Variants in SYBU observed in about 807,000 individuals in gnomAD.
SYBU encodes the protein syntabulin, also known as GOLSYN A protein.
In SYBU, 21 loss-of-function variants were observed where a neutral mutation model predicts 35.9. The observed-to-expected ratio is 0.58, with a 90% CI of 0.41 to 0.84. SYBU has a LOEUF of 0.84. Among genes scored for constraint, SYBU ranks in the 40% least tolerant of loss-of-function variants. The pLI, the probability that SYBU is intolerant of heterozygous loss-of-function variation, is 0.00. For missense variants in SYBU, 768 were observed against 848.2 expected, an observed-to-expected ratio of 0.91 and a Z score of 1.17; for synonymous variants, 319 against 324.3, an observed-to-expected ratio of 0.98 and a Z score of 0.18.
chr8:109,672,957 T>C (rs935989196), intron 1 of SYBU, among the ~76,000 whole-genome samples: 2 of 152,188 alleles, frequency 1.3e-5, no homozygotes, highest in African/African-American at 4.8e-5. Context: ...ACCACAAAGC[T>C]GTTGTAGCCA....
chr8:109,645,626 G>GTTTTTTTTTTTTTTTTTTTTTTTTTT (rs201121007), upstream of SYBU: 70 of 244,826 alleles, frequency 2.9e-4, 4 homozygotes, highest in African/African-American at 1.8e-3. Context: ...TTGTTGTTTC[G>GTTTTTTTTTTTTTTTTTTTTTTTTTT]TTTTTTGTTT....
chr8:109,652,129 C>T (rs929769521), intron 1 of SYBU, among the ~76,000 whole-genome samples: 6 of 152,170 alleles, frequency 3.9e-5, no homozygotes, highest in Non-Finnish European at 7.3e-5. Context: ...AATAGAGACA[C>T]GGACATGACC....
chr8:109,668,785 T>C (rs1816860093), intron 1 of SYBU, among the ~76,000 whole-genome samples: 1 of 152,126 alleles, frequency 6.6e-6, no homozygotes, highest in Non-Finnish European at 1.5e-5. Context: ...TTCAAACGAG[T>C]CTCAGTGAAA....
chr8:109,582,390 C>G (rs1195682728), intron 4 of SYBU, among the ~76,000 whole-genome samples: 3 of 152,184 alleles, frequency 2.0e-5, no homozygotes, highest in Non-Finnish European at 2.9e-5. Flanking sequence ...AAAGGAGACA[C>G]TGAGATTCCA....
chr8:109,674,138 C>G (rs1817090518), intron 1 of SYBU, among the ~76,000 whole-genome samples: 1 of 151,952 alleles, frequency 6.6e-6, no homozygotes, highest in East Asian at 1.9e-4. Flanking sequence ...CTTCCCCAAC[C>G]TAGCAAGACA....
At chr8:109,608,205 T>C (rs1826265598) in intron 3 of SYBU, 1 of 429,000 alleles carries the variant, frequency 2.3e-6, no homozygotes, top group Non-Finnish European at 4.1e-6. Flanking sequence ...ATCGCCCTCA[T>C]GAATGGACAC....
At chr8:109,592,579 G>C (rs1187561577) in intron 3 of SYBU, among the ~76,000 whole-genome samples, 1 of 152,200 alleles carries the variant, frequency 6.6e-6, no homozygotes, top group Non-Finnish European at 1.5e-5. Flanking sequence ...GTTCACTCCT[G>C]TACCTTGGGC....
At chr8:109,682,471 T>C (rs564020787), upstream of SYBU, among the ~76,000 whole-genome samples, 2 of 152,302 alleles carry the variant, frequency 1.3e-5, no homozygotes, top group African/African-American at 4.8e-5. Flanking sequence ...AAGAGACTGG[T>C]GGGATTTTCT....
intron 2 of SYBU, among the ~76,000 whole-genome samples, chr8:109,620,809 T>C (rs2130387309): frequency 6.6e-6 from 1 of 152,306 alleles, no homozygotes; most frequent in Non-Finnish European, 1.5e-5. Context: ...TGCCTTTCCC[T>C]TACACTTACA....
In SYBU at chr8:109,574,113, T is replaced by TAAAG. The variant is rs146005708; in HGVS notation, c.*789_*792dup. The TAAAG allele has an allele frequency of 6.6e-6, 1 of 152,308 alleles. No homozygotes were observed. Among genetic ancestry groups the TAAAG allele is most frequent in the African/African-American group, 2.4e-5 (1 of 41,564 alleles). The allele number at this position is 152,308 out of a possible 1,614,324, so 9.4% of individuals were successfully genotyped here. On this transcript the variant is annotated 3_prime_UTR_variant, in exon 7 of 7. Transcript: ENST00000276646. ...TCAATTTTTACAGACCCCCTATTGA[T>TAAAG]AAAGATGTAAGATCTGCTATTCATT... is the stretch of plus-strand genomic sequence containing the variant.
chr8:109,598,778 A>G (rs1214486119), intron 3 of SYBU, among the ~76,000 whole-genome samples: 1 of 152,260 alleles, frequency 6.6e-6, no homozygotes, highest in Non-Finnish European at 1.5e-5. Flanking sequence ...TCTCTCGGGA[A>G]TAGTTAGAAA....
chr8:109,597,693 G>A (rs1169656081), intron 3 of SYBU, among the ~76,000 whole-genome samples: 1 of 152,134 alleles, frequency 6.6e-6, no homozygotes, highest in Non-Finnish European at 1.5e-5. Context: ...CAGCCTGGGT[G>A]ACAGAGTAAG....
At chr8:109,675,944 A>C (rs1179600084) in intron 1 of SYBU, among the ~76,000 whole-genome samples, 1 of 152,234 alleles carries the variant, frequency 6.6e-6, no homozygotes, top group Non-Finnish European at 1.5e-5. Flanking sequence ...ATCCACCATG[A>C]TCAAGTTGGT....
chr8:109,613,144 C>G (rs563858805), intron 3 of SYBU, among the ~76,000 whole-genome samples: 1 of 152,262 alleles, frequency 6.6e-6, no homozygotes, highest in Non-Finnish European at 1.5e-5. Context: ...TGTCTGTCCT[C>G]CTAGAGCAAC....
chr8:109,654,915 C>G (rs1215248082), intron 1 of SYBU, among the ~76,000 whole-genome samples: 1 of 152,168 alleles, frequency 6.6e-6, no homozygotes, highest in Non-Finnish European at 1.5e-5. Context: ...TCTCTACCAC[C>G]TCTTCCTGCC....
intron 1 of SYBU, among the ~76,000 whole-genome samples, chr8:109,652,749 C>T (rs1382475550): frequency 6.6e-6 from 1 of 152,110 alleles, no homozygotes; most frequent in Non-Finnish European, 1.5e-5. Flanking sequence ...AAATATACGG[C>T]TATACGAAAC....
intron 3 of SYBU, among the ~76,000 whole-genome samples, chr8:109,597,477 GGAGGCT>G (rs2129972029): frequency 6.6e-6 from 1 of 152,214 alleles, no homozygotes; most frequent in East Asian, 1.9e-4. Flanking sequence ...CAGCACTTTG[GGAGGCT>G]GAGATAGGCA....
chr8:109,651,023 ACTACTC>A (rs1353989612), intron 1 of SYBU, among the ~76,000 whole-genome samples: 3 of 152,230 alleles, frequency 2.0e-5, no homozygotes, highest in African/African-American at 4.8e-5. Context: ...AAGTGAAGTT[ACTACTC>A]CCTTCTGTCT....
intron 2 of SYBU, among the ~76,000 whole-genome samples, chr8:109,630,948 G>A (rs546410533): frequency 2.6e-5 from 4 of 152,294 alleles, no homozygotes; most frequent in Middle Eastern, 6.8e-3. Context: ...TCAGCGGGGC[G>A]GTTCACAGAA....
Sources: allele counts gnomAD v4.1 joint callset (sites outside exome capture counted in the v4.1 genomes callset), GRCh38; gene constraint gnomAD v4.1.1; transcripts MANE v1.5; gene names NCBI Gene and HGNC (gene_info 2026-07-23, HGNC 2026-07-21).